Variants in PTPRD observed in about 807,000 individuals in gnomAD.
The protein encoded by PTPRD is receptor-type tyrosine-protein phosphatase delta.
A neutral mutation model predicts 214.5 loss-of-function variants in PTPRD; 34 were observed. The observed-to-expected ratio is 0.16, with a 90% confidence interval of 0.12 to 0.21. The LOEUF (loss-of-function observed/expected upper bound fraction) is 0.21, where lower values mean the gene tolerates loss of function less well. Among genes scored for constraint, PTPRD ranks in the 10% least tolerant of loss-of-function variants. The pLI is 1.00. For synonymous variants in PTPRD, 1,128 were observed against 845.7 expected, an observed-to-expected ratio of 1.33 and a Z score of -5.79; for missense variants, 2,545 against 2,398.7, an observed-to-expected ratio of 1.06 and a Z score of -1.27.
At chr9:8,728,315 G>C (rs1346596706) in intron 12 of PTPRD, among the ~76,000 whole-genome samples, 1 of 152,186 alleles carries the variant, frequency 6.6e-6, no homozygotes, top group Non-Finnish European at 1.5e-5. Flanking sequence ...AAATGATAGA[G>C]ATAACACTCA....
At chr9:10,255,847 A>T (rs1282614388) in intron 3 of PTPRD, among the ~76,000 whole-genome samples, 1 of 152,176 alleles carries the variant, frequency 6.6e-6, no homozygotes, top group Non-Finnish European at 1.5e-5. Context: ...TTGAAAAACT[A>T]AGACACAAAC....
At chr9:9,588,079 C>T (rs932180231) in intron 7 of PTPRD, among the ~76,000 whole-genome samples, 1 of 151,770 alleles carries the variant, frequency 6.6e-6, no homozygotes, top group African/African-American at 2.4e-5. Context: ...ATAACACATT[C>T]CAAACATGTA....
At chr9:10,095,949 G>A (rs748150987) in intron 3 of PTPRD, among the ~76,000 whole-genome samples, 1 of 151,492 alleles carries the variant, frequency 6.6e-6, no homozygotes, top group Non-Finnish European at 1.5e-5. Flanking sequence ...CTCATGCTTA[G>A]GTGTTGACAT....
chr9:8,712,282 C>A (rs775518202), intron 12 of PTPRD, among the ~76,000 whole-genome samples: 2 of 152,136 alleles, frequency 1.3e-5, no homozygotes, highest in Non-Finnish European at 2.9e-5. Flanking sequence ...CCTGTATCAA[C>A]AGTATTTTCT....
intron 3 of PTPRD, among the ~76,000 whole-genome samples, chr9:10,280,788 T>A (rs531078703): frequency 2.4e-4 from 35 of 147,144 alleles, no homozygotes; most frequent in Admixed American, 9.9e-4. Context: ...TTTTTTTTTT[T>A]ATTTTCTGTA....
intron 11 of PTPRD, among the ~76,000 whole-genome samples, chr9:8,854,364 A>G (rs574814726): frequency 9.9e-5 from 15 of 152,208 alleles, no homozygotes; most frequent in Non-Finnish European, 1.8e-4. Context: ...AAATGAAGTC[A>G]TCTTTGAAAT....
intron 11 of PTPRD, among the ~76,000 whole-genome samples, chr9:8,744,655 G>A (rs1484354312): frequency 1.3e-5 from 2 of 152,222 alleles, no homozygotes; most frequent in Non-Finnish European, 2.9e-5. Context: ...GGGAAAGGCT[G>A]GCAGCAGGGT....
At chr9:9,516,671 G>A (rs1170150190) in intron 8 of PTPRD, among the ~76,000 whole-genome samples, 1 of 152,008 alleles carries the variant, frequency 6.6e-6, no homozygotes, top group Non-Finnish European at 1.5e-5. Flanking sequence ...CTCAGTAGCT[G>A]GGACTACAGG....
chr9:9,859,802 G>A (rs1330352674), intron 5 of PTPRD, among the ~76,000 whole-genome samples: 2 of 152,102 alleles, frequency 1.3e-5, no homozygotes, highest in East Asian at 1.9e-4. Flanking sequence ...TTTGTTTTGG[G>A]GGAAGCCAGC....
At chr9:9,442,448 T>C (rs2088445361) in intron 8 of PTPRD, 1 of 152,232 alleles carries the variant, frequency 6.6e-6, no homozygotes, top group Non-Finnish European at 1.5e-5. Context: ...GATATTCTAT[T>C]TTGCACCTGA....
Position 10,331,087 on chromosome 9 carries a change from C to T in PTPRD, c.-545+9876G>A, listed in dbSNP as rs367861871. 6.6e-5 allele frequency among the ~76,000 whole-genome samples: 10 copies of T among 151,992 alleles called. No individual in the cohort carries two copies. In the East Asian group the frequency reaches 1.9e-3, roughly 30 times the overall value. ...GCAATGTCACTCTCAACACCAGATG[C>T]AGATGCCTTCTGCAAACTACTCCAT... On this transcript the variant is annotated intron_variant, in intron 3 of 45. Transcript: ENST00000381196.
intron 11 of PTPRD, among the ~76,000 whole-genome samples, chr9:8,948,066 C>G (rs373229794): frequency 4.1e-5 from 6 of 146,466 alleles, no homozygotes; most frequent in African/African-American, 1.3e-4. Context: ...TGTCGCCAGG[C>G]TGGAGTGCAG....
At chr9:10,193,474 C>A (rs1208579069) in intron 3 of PTPRD, among the ~76,000 whole-genome samples, 2 of 152,022 alleles carry the variant, frequency 1.3e-5, no homozygotes, top group African/African-American at 2.4e-5. Context: ...AGCATGGGAA[C>A]AGAGTAATTG....
intron 8 of PTPRD, among the ~76,000 whole-genome samples, chr9:9,519,940 T>A (rs966619561): frequency 2.6e-5 from 4 of 152,120 alleles, no homozygotes; most frequent in African/African-American, 9.6e-5. Flanking sequence ...ATGAAGACAG[T>A]GTGGTATTGG....
Position 9,661,509 on chromosome 9 carries a change from G to A in PTPRD, c.-287+73024C>T, listed in dbSNP as rs574708820. On this transcript the variant is annotated intron_variant, in intron 7 of 45. Transcript: ENST00000381196. Reference sequence around the variant, plus strand: ...ATAATTGCTACCATTTAACAATTATGCTAAACTATGGTATCATTAGACAAT... The same window carrying A: ...ATAATTGCTACCATTTAACAATTATACTAAACTATGGTATCATTAGACAAT... Among the ~76,000 whole-genome samples the A allele has an allele frequency of 2.8e-3, 422 of 151,818 alleles. 2 individuals carry two copies. Among genetic ancestry groups the A allele is most frequent in the African/African-American group, 9.6e-3 (398 of 41,496 alleles).
At chr9:9,822,704 A>G (rs2051218288) in intron 5 of PTPRD, among the ~76,000 whole-genome samples, 1 of 151,978 alleles carries the variant, frequency 6.6e-6, no homozygotes, top group African/African-American at 2.4e-5. Flanking sequence ...ACCTACACGT[A>G]CTACAGATTG....
chr9:9,887,610 C>T (rs113483489), intron 5 of PTPRD, among the ~76,000 whole-genome samples: 2,984 of 152,184 alleles, frequency 0.02, 113 homozygotes, highest in African/African-American at 0.069. Context: ...ATCAGTGTAC[C>T]ATGTACTCAG....
chr9:9,410,937 T>G (rs1342108276), intron 8 of PTPRD, among the ~76,000 whole-genome samples: 1 of 152,112 alleles, frequency 6.6e-6, no homozygotes, highest in South Asian at 2.1e-4. Context: ...GTGACCTAAA[T>G]TGAGGCTTAG....
intron 7 of PTPRD, among the ~76,000 whole-genome samples, chr9:9,646,510 G>A (rs1050401044): frequency 3.9e-5 from 6 of 151,976 alleles, no homozygotes; most frequent in African/African-American, 1.2e-4. Context: ...CTGCTGGCTC[G>A]CTATGATGTA....
Sources: allele counts gnomAD v4.1 joint callset (sites outside exome capture counted in the v4.1 genomes callset), GRCh38; gene constraint gnomAD v4.1.1; transcripts MANE v1.5; gene names NCBI Gene and HGNC (gene_info 2026-07-23, HGNC 2026-07-21).